The following STK35 variants were observed in gnomAD, a reference collection of about 807,000 sequenced individuals.
STK35 encodes serine/threonine-protein kinase 35.
STK35 carries 17 observed loss-of-function variants against 37.3 expected under a neutral mutation model. The observed-to-expected ratio is 0.46, with a 90% CI of 0.31 to 0.68. STK35 has a LOEUF of 0.68. Ranked by LOEUF, STK35 falls within the 30% of genes least tolerant of loss-of-function variation. The pLI is 0.05. For synonymous variants in STK35, 385 were observed against 319.1 expected (o/e 1.21, Z -2.20); for missense variants, 595 against 746.7 (o/e 0.80, Z 2.37).
intron 3 of STK35, among the ~76,000 whole-genome samples, chr20:2,135,626 G>A (rs1316864444): frequency 6.6e-6 from 1 of 152,192 alleles, no homozygotes; most frequent in African/African-American, 2.4e-5. Flanking sequence ...ACTTTGGGAG[G>A]CCAAGGCAGG....
At chr20:2,138,903 T>C (rs1341325869) in intron 3 of STK35, among the ~76,000 whole-genome samples, 1 of 152,024 alleles carries the variant, frequency 6.6e-6, no homozygotes, top group Non-Finnish European at 1.5e-5. Flanking sequence ...GGCATGTACC[T>C]ATAATCCCAG....
In STK35 at chr20:2,117,762, T is replaced by A. The variant is rs149543961; in HGVS notation, c.*37+347T>A. On this transcript the variant is annotated intron_variant, in intron 3 of 3. Coordinates refer to ENST00000381482, the MANE Select transcript of STK35 (RefSeq NM_080836.4). The surrounding 1 kb of genome is among the most constrained non-coding windows in gnomAD (Gnocchi z 4.4). Reference sequence around the variant, plus strand: ...GCCCAGCCTCTCTTTTTTTTCTGTATGCCCACTTCTTGGACCGGGTTCTTC... The same window carrying A: ...GCCCAGCCTCTCTTTTTTTTCTGTAAGCCCACTTCTTGGACCGGGTTCTTC... Among the ~76,000 whole-genome samples the A allele has an allele frequency of 4.3e-4, 66 of 152,320 alleles. No individual in the cohort carries two copies. The highest frequency in any genetic ancestry group is 1.4e-3 in the African/African-American group (59 of 41,568).
At chr20:2,140,964 C>A (rs1986162853) in intron 3 of STK35, among the ~76,000 whole-genome samples, 1 of 152,160 alleles carries the variant, frequency 6.6e-6, no homozygotes. Context: ...TGATGGGCAT[C>A]CTTTTCAGGA....
At chr20:2,123,061 C>T (rs1355697162) in intron 3 of STK35, among the ~76,000 whole-genome samples, 5 of 152,174 alleles carry the variant, frequency 3.3e-5, no homozygotes, top group Non-Finnish European at 5.9e-5. Context: ...CAGGTGCCTC[C>T]GCCCACGTGT....
chr20:2,129,275 T>C (rs970330732), intron 3 of STK35, among the ~76,000 whole-genome samples: 2 of 152,190 alleles, frequency 1.3e-5, no homozygotes, highest in African/African-American at 4.8e-5. Context: ...TGGGCATCTC[T>C]CTGAGCCTCC....
intron 3 of STK35, among the ~76,000 whole-genome samples, chr20:2,118,694 T>C (rs760405513): frequency 3.9e-5 from 6 of 152,278 alleles, no homozygotes; most frequent in East Asian, 1.9e-4. Context: ...CCCATTAGAT[T>C]ATAATGGAAC....
In STK35 at chr20:2,122,709, A is replaced by C. The variant is rs1305804099; in HGVS notation, c.*37+5294A>C. Among the ~76,000 whole-genome samples, 3 of 152,224 alleles carry C rather than the reference A, an allele frequency of 2.0e-5. 1 individual carries two copies. Among genetic ancestry groups the C allele is most frequent in the Non-Finnish European group, 4.4e-5 (3 of 68,044 alleles). On this transcript the variant is annotated intron_variant, in intron 3 of 3. Transcript: ENST00000381482. ...AAGAGGTTGTGAAAGTGCCCTATGT[A>C]AACAGTCTGAATTAATTGTAATACA...
Position 2,102,013 on chromosome 20 carries a change from A to G in STK35, c.132A>G (p.Pro44=), listed in dbSNP as rs923304017. ...GGAGCCTAGGAGCCCAGGCTTCCCCAGCGAGCGCCGCGGCAGCAGAAGGAT... is the reference window on the plus strand; with the variant it reads ...GGAGCCTAGGAGCCCAGGCTTCCCCGGCGAGCGCCGCGGCAGCAGAAGGAT... The part of the protein sequence containing the change: ...SHGSLGAQAS[P]ASAAAAEGSA... The change falls in exon 1 of 4, where the codon CCA becomes CCG. Residue 44 remains proline, a synonymous_variant. Transcript: ENST00000381482. 7 of 1,527,560 alleles carry G rather than the reference A, an allele frequency of 4.6e-6. No homozygotes were observed. The Admixed American group carries it at 7.9e-5, about 17-fold the overall frequency. 94.6% of individuals were successfully genotyped at this position (1,527,560 alleles called of 1,614,324 possible).
rs137858896 is a variant in STK35, at chr20:2,105,809, C to A, written c.892+2444C>A. Among the ~76,000 whole-genome samples the A allele has an allele frequency of 2.0e-3, 299 of 152,330 alleles. 2 individuals carry two copies. Among genetic ancestry groups the A allele is most frequent in the African/African-American group, 6.9e-3 (287 of 41,548 alleles). ...CCCAAACTTGTTTCATCATAGAACA[C>A]ACCTTGTTTTCTGTGTTGTCAGGCA... is the stretch of plus-strand genomic sequence containing the variant. On this transcript the variant is annotated intron_variant, in intron 2 of 3. Coordinates refer to ENST00000381482, the MANE Select transcript of STK35 (RefSeq NM_080836.4).
chr20:2,112,266 G>A (rs1237864044), intron 2 of STK35, among the ~76,000 whole-genome samples: 14 of 152,170 alleles, frequency 9.2e-5, no homozygotes, highest in African/African-American at 3.4e-4. Context: ...GTTTTTCAGC[G>A]AAGCAAGCCA....
chr20:2,104,553 C>T (rs903026492), intron 2 of STK35, among the ~76,000 whole-genome samples: 1 of 152,074 alleles, frequency 6.6e-6, no homozygotes. Flanking sequence ...TGGATCCTTT[C>T]GAAGGCGTAA....
intron 2 of STK35, among the ~76,000 whole-genome samples, chr20:2,108,086 A>C (rs1483470020): frequency 1.3e-5 from 2 of 152,228 alleles, no homozygotes; most frequent in African/African-American, 4.8e-5. Flanking sequence ...TCAGGATTCA[A>C]GGCCAGACAT....
chr20:2,111,554 C>A (rs921249902), intron 2 of STK35, among the ~76,000 whole-genome samples: 2 of 152,004 alleles, frequency 1.3e-5, no homozygotes, highest in African/African-American at 2.4e-5. Flanking sequence ...AAAGAATAGC[C>A]GGGCGTGGTG....
chr20:2,116,752 G>A lies in STK35; in HGVS notation c.979G>A (p.Val327Ile). Residue 327 changes from valine to isoleucine, a missense_variant, in exon 3 of 4, where the codon GTC (valine) becomes ATC (isoleucine). Physicochemically the swap from Val to Ile is conservative, Grantham distance 29. This residue lies in a region of STK35 where 109 missense variants were observed against 280.3 expected (regional missense o/e 0.39). Transcript: ENST00000381482. ...FCEGGDLNQY[V>I]LSRRPDPATN... ...TGAAGGTGGAGACCTGAATCAGTAT[G>A]TCCTGTCCCGGAGGCCAGACCCAGC... 6.2e-7 allele frequency: 1 copy of A among 1,614,172 alleles called. No homozygotes were observed. Among genetic ancestry groups the A allele is most frequent in the Non-Finnish European group, 8.5e-7 (1 of 1,180,048 alleles).
At chr20:2,103,959 G>T (rs530172920) in intron 2 of STK35, among the ~76,000 whole-genome samples, 1 of 152,248 alleles carries the variant, frequency 6.6e-6, no homozygotes, top group Non-Finnish European at 1.5e-5. Flanking sequence ...TCTGAGGGGT[G>T]CAGGCTGACA....
intron 3 of STK35, among the ~76,000 whole-genome samples, chr20:2,125,250 C>T (rs1227602904): frequency 6.6e-6 from 1 of 152,212 alleles, no homozygotes; most frequent in Non-Finnish European, 1.5e-5. Flanking sequence ...GACACTCCCA[C>T]CAACAGCTAC....
chr20:2,125,164 C>T lies in STK35; in HGVS notation c.*37+7749C>T, dbSNP rs142538367. 1.0e-3 allele frequency among the ~76,000 whole-genome samples: 158 copies of T among 152,260 alleles called. 4 individuals are homozygous for T. In the East Asian group the frequency reaches 0.026, roughly 25 times the overall value. On this transcript the variant is annotated intron_variant, in intron 3 of 3. Transcript: ENST00000381482. ...GGCAAATCAGAGTGGCTCTTGTAAT[C>T]GTCCAGCTGTGAGCAAAGCTGCCTG...
At position 2,144,900 on chromosome 20, in the gene STK35, C is replaced by G. The variant is rs540867301; in HGVS notation, c.*1154C>G. ...ATGCAGTGACACACACTGTCAAGCG[C>G]CATTTCCCTCACCCCTGGAGACTTA... On this transcript the variant is annotated 3_prime_UTR_variant, in exon 4 of 4. Coordinates refer to ENST00000381482, the MANE Select transcript of STK35 (RefSeq NM_080836.4). The G allele has an allele frequency of 2.7e-4, 41 of 153,046 alleles. No homozygotes were observed. The highest frequency in any genetic ancestry group is 9.4e-4 in the African/African-American group (39 of 41,596). The allele number at this position is 153,046 out of a possible 1,614,324, so 9.5% of individuals were successfully genotyped here. A position where few individuals can be genotyped will look rare whatever the true frequency, so the allele number is the denominator to read the frequency against.
Position 2,116,931 on chromosome 20 carries a change from G to T in STK35, c.1158G>T (p.Lys386Asn). 1 of 1,614,148 alleles carries T rather than the reference G, an allele frequency of 6.2e-7. No individual in the cohort carries two copies. Among genetic ancestry groups the T allele is most frequent in the Non-Finnish European group, 8.5e-7 (1 of 1,180,044 alleles). ...AAGTGGCCGACTTTGGACTAAGCAA[G>T]GTCTGTGCTGGGCTGGCACCCCGAG... The part of the protein sequence containing the change: ...ILKVADFGLS[K>N]VCAGLAPRGK... Residue 386 changes from lysine to asparagine, a missense_variant, in exon 3 of 4, where the codon AAG (lysine) becomes AAT (asparagine). Transcript: ENST00000381482.
Sources: gnomAD v4.1 joint callset for allele counts (sites outside exome capture counted in the v4.1 genomes callset) on GRCh38, gnomAD v4.1.1 for gene constraint, gnomAD v4.1.1 regional missense constraint, Gnocchi (gnomAD v3.1) non-coding constraint, MANE v1.5 for transcripts, NCBI Gene and HGNC (gene_info 2026-07-23, HGNC 2026-07-21) for gene names.